XKR9: variants seen among roughly 807,000 people sequenced by gnomAD.
XKR9 encodes the protein XK related 9, also known as XK-related protein 9.
XKR9 carries 32 observed loss-of-function variants against 32.0 expected under a neutral mutation model. The observed-to-expected ratio is 1.00, with a 90% CI of 0.76 to 1.34. The LOEUF is 1.34. Ranked by LOEUF, XKR9 falls within the 40% of genes most tolerant of loss-of-function variation. The probability of loss-of-function intolerance (pLI) is 0.00; values close to 1 mark genes in which losing one functional copy is unlikely to be tolerated. For synonymous variants in XKR9, 168 were observed against 143.4 expected, an observed-to-expected ratio of 1.17 and a Z score of -1.22; for missense variants, 546 against 429.7, an observed-to-expected ratio of 1.27 and a Z score of -2.39.
At chr8:70,693,919 A>G (rs1279897451) in intron 3 of XKR9, among the ~76,000 whole-genome samples, 1 of 152,122 alleles carries the variant, frequency 6.6e-6, no homozygotes, top group African/African-American at 2.4e-5. Flanking sequence ...AGTTGCCCCC[A>G]GAGGCTCTGT....
intron 2 of XKR9, among the ~76,000 whole-genome samples, chr8:70,752,148 C>G (rs181460017): frequency 2.0e-5 from 3 of 152,368 alleles, no homozygotes; most frequent in Admixed American, 2.0e-4. Flanking sequence ...CAACCACAAT[C>G]TGCCTTCTGT....
At chr8:70,802,824 T>A in the XKR9 span, among the ~76,000 whole-genome samples, 1 of 152,248 alleles carries the variant, frequency 6.6e-6, no homozygotes, top group East Asian at 1.9e-4. Flanking sequence ...AAAGCTCTGC[T>A]GTTAGCCTGA....
the XKR9 span, among the ~76,000 whole-genome samples, chr8:71,013,522 T>G: frequency 6.6e-6 from 1 of 152,312 alleles, no homozygotes; most frequent in Admixed American, 6.5e-5. Flanking sequence ...CACAAGTTGG[T>G]TAATGAGAAG....
At chr8:70,853,177 T>C in the XKR9 span, among the ~76,000 whole-genome samples, 5 of 152,018 alleles carry the variant, frequency 3.3e-5, no homozygotes, top group South Asian at 2.1e-4. Flanking sequence ...TTCTCACTTA[T>C]TTGTGGGATC....
the XKR9 span, among the ~76,000 whole-genome samples, chr8:70,881,168 T>C: frequency 1.3e-5 from 2 of 152,040 alleles, no homozygotes; most frequent in African/African-American, 2.4e-5. Flanking sequence ...CAAAAACCCT[T>C]GAAGAGAACC....
rs375424780 is a variant in XKR9, at chr8:70,706,882, A to G, written c.273-51A>G. The G allele has an allele frequency of 7.7e-6, 11 of 1,427,030 alleles. No homozygotes were observed. In the African/African-American group the frequency reaches 1.6e-4, roughly 21 times the overall value. 88.4% of individuals were successfully genotyped at this position (1,427,030 alleles called of 1,614,324 possible). A position where few individuals can be genotyped will look rare whatever the true frequency, so the allele number is the denominator to read the frequency against. ...CAAATTATTATGTGTATTAACAGACATGTTACAAAGAATATAAAACTAAAG... is the reference window on the plus strand; with the variant it reads ...CAAATTATTATGTGTATTAACAGACGTGTTACAAAGAATATAAAACTAAAG... On this transcript the variant is annotated intron_variant, in intron 3 of 4. Transcript: ENST00000408926.
chr8:70,843,765 C>A, the XKR9 span, among the ~76,000 whole-genome samples: 1 of 152,096 alleles, frequency 6.6e-6, no homozygotes, highest in Non-Finnish European at 1.5e-5. Flanking sequence ...TAGTGACCTG[C>A]CTAGAAACTG....
At chr8:70,736,149 T>A (rs890911899), downstream of XKR9, among the ~76,000 whole-genome samples, 42 of 151,820 alleles carry the variant, frequency 2.8e-4, 1 homozygote, top group Middle Eastern at 3.4e-3. Flanking sequence ...TTTTAATGAT[T>A]GCCATTCTAA....
chr8:70,744,803 G>T lies in XKR9; in HGVS notation n.352+37650G>T, dbSNP rs1426473989. Reference sequence around the variant, plus strand: ...GTATTTTTGGTAGAGATTGGGTTTTGCCATGTTGGCCAGGCTGGTCTTAAA... The same window carrying T: ...GTATTTTTGGTAGAGATTGGGTTTTTCCATGTTGGCCAGGCTGGTCTTAAA... On this transcript the variant is annotated intron_variant and non_coding_transcript_variant, in intron 2 of 3. Coordinates refer to the XKR9 transcript ENST00000520273. Among the ~76,000 whole-genome samples the T allele has an allele frequency of 3.0e-5, 4 of 131,240 alleles. 1 individual carries two copies. The highest frequency in any genetic ancestry group is 8.2e-5 in the African/African-American group (3 of 36,600). The allele number at this position is 131,240 out of a possible 152,430, so 86.1% of individuals were successfully genotyped here.
the XKR9 span, among the ~76,000 whole-genome samples, chr8:70,860,161 G>A: frequency 6.6e-6 from 1 of 152,108 alleles, no homozygotes; most frequent in African/African-American, 2.4e-5. Flanking sequence ...CCTATCATCT[G>A]AATGTTGGTG....
At chr8:70,763,049 A>G (rs1344970980) in intron 2 of XKR9, among the ~76,000 whole-genome samples, 1 of 152,236 alleles carries the variant, frequency 6.6e-6, no homozygotes, top group Non-Finnish European at 1.5e-5. Flanking sequence ...GATATAAAAA[A>G]TGATTTAATT....
intron 3 of XKR9, among the ~76,000 whole-genome samples, chr8:70,694,033 C>T (rs1486524077): frequency 6.6e-6 from 1 of 151,978 alleles, no homozygotes; most frequent in East Asian, 1.9e-4. Flanking sequence ...GGAATGGGTA[C>T]CCATGTAACA....
chr8:70,713,267 A>G (rs1453509628), intron 4 of XKR9, among the ~76,000 whole-genome samples: 4 of 152,136 alleles, frequency 2.6e-5, no homozygotes, highest in Admixed American at 6.6e-5. Flanking sequence ...AGAAAATATG[A>G]GAGAGATATT....
chr8:70,779,907 C>T (rs1156487654), intron 2 of XKR9, among the ~76,000 whole-genome samples: 11 of 152,016 alleles, frequency 7.2e-5, no homozygotes, highest in Non-Finnish European at 1.5e-5. Context: ...AAAACCAGCT[C>T]TTGGATTCAT....
intron 2 of XKR9, among the ~76,000 whole-genome samples, chr8:70,765,887 T>A (rs62532107): frequency 0.072 from 11,033 of 152,262 alleles, 471 homozygotes; most frequent in Non-Finnish European, 0.089. Context: ...TGCTTGTTTT[T>A]GTCAGGTTTG....
At chr8:70,902,094 C>G in the XKR9 span, among the ~76,000 whole-genome samples, 2 of 152,178 alleles carry the variant, frequency 1.3e-5, no homozygotes, top group Non-Finnish European at 2.9e-5. Context: ...CATGATACCT[C>G]CAGCTTTGTT....
the XKR9 span, among the ~76,000 whole-genome samples, chr8:71,007,646 T>A: frequency 6.6e-6 from 1 of 151,692 alleles, no homozygotes; most frequent in South Asian, 2.1e-4. Context: ...AAGAAAAAAA[T>A]TAAAATATAC....
the XKR9 span, among the ~76,000 whole-genome samples, chr8:70,815,802 G>A: frequency 6.6e-6 from 1 of 152,078 alleles, no homozygotes; most frequent in Non-Finnish European, 1.5e-5. Context: ...TGGGATTACA[G>A]TCGTGAGCTA....
At chr8:70,710,725 AAAC>A (rs1805887332) in intron 4 of XKR9, among the ~76,000 whole-genome samples, 1 of 150,806 alleles carries the variant, frequency 6.6e-6, no homozygotes, top group African/African-American at 2.4e-5. Flanking sequence ...ACAACAACAA[AAAC>A]AAATAAACAA....
Sources: allele counts gnomAD v4.1 joint callset (sites outside exome capture counted in the v4.1 genomes callset), GRCh38; gene constraint gnomAD v4.1.1; transcripts MANE v1.5; gene names NCBI Gene and HGNC (gene_info 2026-07-23, HGNC 2026-07-21).